WIPF1: variants seen among roughly 807,000 people sequenced by gnomAD.
WIPF1 encodes WAS/WASL interacting protein family member 1.
Under a neutral mutation model 35.4 loss-of-function variants are expected in WIPF1, and 13 were observed. That is an observed-to-expected ratio of 0.37 (90% CI 0.24 to 0.58). The LOEUF is 0.58. Ranked by LOEUF, WIPF1 falls within the 20% of genes least tolerant of loss-of-function variation. The pLI, the probability that WIPF1 is intolerant of heterozygous loss-of-function variation, is 0.74. For synonymous variants in WIPF1, 267 were observed against 266.3 expected (o/e 1.00, Z -0.02); for missense variants, 591 against 667.0 (o/e 0.89, Z 1.25).
chr2:174,622,288 ATTTG>A lies in WIPF1; in HGVS notation c.-38-36681_-38-36678del, dbSNP rs1433336090. 6.6e-6 allele frequency among the ~76,000 whole-genome samples: 1 copy of A among 152,178 alleles called. No individual in the cohort carries two copies. Among genetic ancestry groups the A allele is most frequent in the African/African-American group, 2.4e-5 (1 of 41,440 alleles). On this transcript the variant is annotated intron_variant, in intron 1 of 8. Coordinates refer to the WIPF1 transcript ENST00000272746. This position sits in a 1 kb window ranked among gnomAD's most constrained non-coding sequence, Gnocchi z 5.1. ...GCCTGCATACCACCAAAACTATATG[ATTTG>A]TTTAATATTTTTATTTAACTCAACT...
chr2:174,626,238 C>T (rs1298589173), intron 1 of WIPF1, among the ~76,000 whole-genome samples: 1 of 152,084 alleles, frequency 6.6e-6, no homozygotes, highest in Non-Finnish European at 1.5e-5. Context: ...AAGCAAAGTT[C>T]GAAACAAGAA....
chr2:174,574,073 G>A (rs1684969166), intron 4 of WIPF1, among the ~76,000 whole-genome samples: 1 of 151,036 alleles, frequency 6.6e-6, no homozygotes, highest in African/African-American at 2.4e-5. Context: ...TTTTTTTTTA[G>A]TAGAGACAGG....
chr2:174,618,872 G>A (rs1686592807), intron 1 of WIPF1, among the ~76,000 whole-genome samples: 1 of 151,980 alleles, frequency 6.6e-6, no homozygotes, highest in African/African-American at 2.4e-5. Flanking sequence ...CCCTACAGAG[G>A]GTCTTTTACT....
chr2:174,573,263 G>C (rs1437991031), intron 4 of WIPF1, among the ~76,000 whole-genome samples: 1 of 88,360 alleles, frequency 1.1e-5, no homozygotes, highest in African/African-American at 4.2e-5. Context: ...GGAACTCAAG[G>C]TAATTCTGAA....
intron 1 of WIPF1, among the ~76,000 whole-genome samples, chr2:174,638,093 T>C (rs567789414): frequency 1.2e-4 from 18 of 152,314 alleles, no homozygotes; most frequent in African/African-American, 4.1e-4. Context: ...GAACAAATAT[T>C]TTGACTAAAG....
At chr2:174,642,075 C>T (rs1268277796) in intron 1 of WIPF1, among the ~76,000 whole-genome samples, 3 of 152,088 alleles carry the variant, frequency 2.0e-5, no homozygotes, top group Non-Finnish European at 2.9e-5. Flanking sequence ...AGATAGAATA[C>T]CAACTCTATA....
chr2:174,627,548 C>CA (rs1559165570), intron 1 of WIPF1, among the ~76,000 whole-genome samples: 1 of 122,942 alleles, frequency 8.1e-6, no homozygotes, highest in African/African-American at 3.0e-5. Flanking sequence ...CTTTCTCTTT[C>CA]TTTTTTTTTT....
chr2:174,621,081 C>T (rs985760044), intron 1 of WIPF1, among the ~76,000 whole-genome samples: 4 of 152,100 alleles, frequency 2.6e-5, no homozygotes, highest in Non-Finnish European at 5.9e-5. Flanking sequence ...GTCAAAGTGG[C>T]GCATTACCAA....
chr2:174,640,475 T>A (rs1428563973), intron 1 of WIPF1, among the ~76,000 whole-genome samples: 1 of 150,800 alleles, frequency 6.6e-6, no homozygotes, highest in African/African-American at 2.4e-5. Context: ...ATTGTGCACA[T>A]GTACCCTAAA....
chr2:174,607,218 A>G (rs911367055), intron 1 of WIPF1, among the ~76,000 whole-genome samples: 7 of 152,026 alleles, frequency 4.6e-5, no homozygotes, highest in African/African-American at 1.7e-4. Flanking sequence ...CCTGGCTAAC[A>G]CGGTGAAACC....
chr2:174,600,159 G>A (rs1685955993), upstream of WIPF1, among the ~76,000 whole-genome samples: 1 of 152,102 alleles, frequency 6.6e-6, no homozygotes, highest in Admixed American at 6.5e-5. Context: ...GGTTCCTAAG[G>A]GGCCATAGAC....
At chr2:174,638,573 T>A (rs899160158) in intron 1 of WIPF1, among the ~76,000 whole-genome samples, 4 of 152,016 alleles carry the variant, frequency 2.6e-5, no homozygotes, top group Admixed American at 2.6e-4. Flanking sequence ...CTAGTAACCA[T>A]CTGTTCTATT....
Position 174,585,736 on chromosome 2 carries a change from C to A in WIPF1, c.-38-125G>T, listed in dbSNP as rs1273411053. On this transcript the variant is annotated intron_variant, in intron 1 of 7. Transcript: ENST00000679041. ...CAACTCTTAGAAGAGATGGGCTTAC[C>A]TTTACACCTCACTGCTAAAACATTA... 3 of 687,664 alleles carry A rather than the reference C, an allele frequency of 4.4e-6. No homozygotes were observed. The African/African-American group carries it at 5.5e-5, about 13-fold the overall frequency. 42.6% of individuals were successfully genotyped at this position (687,664 alleles called of 1,614,324 possible). A position where few individuals can be genotyped will look rare whatever the true frequency, so the allele number is the denominator to read the frequency against.
At position 174,567,114 on chromosome 2, in the gene WIPF1, G is replaced by A. The variant is rs752911584; in HGVS notation, c.1412C>T (p.Thr471Met). 3.7e-6 allele frequency: 6 copies of A among 1,614,212 alleles called. No individual in the cohort carries two copies. Among genetic ancestry groups the A allele is most frequent in the African/African-American group, 1.3e-5 (1 of 75,058 alleles). The change falls in exon 7 of 8, where the codon ACG (threonine) becomes ATG (methionine). Residue 471 changes from threonine (T) to methionine (M), a missense_variant. Coordinates refer to ENST00000679041, the MANE Select transcript of WIPF1 (RefSeq NM_001375834.1). ...DLPPPEPYVQ[T>M]TKSYPSKLAR... ...CAGTTTGCTGGGATAACTTTTGGTC[G>A]TTTGTACATATGGCTCTGGAGGTGG... is the stretch of plus-strand genomic sequence containing the variant.
intron 1 of WIPF1, chr2:174,676,315 C>CTTTTTT (rs75689219): frequency 2.0e-4 from 11 of 55,060 alleles, no homozygotes; most frequent in African/African-American, 2.3e-4. Flanking sequence ...TCCCTCCCTT[C>CTTTTTT]TTTTTTTTTT....
chr2:174,666,742 A>AT (rs1687900376), intron 1 of WIPF1, among the ~76,000 whole-genome samples: 1 of 152,244 alleles, frequency 6.6e-6, no homozygotes, highest in Non-Finnish European at 1.5e-5. Flanking sequence ...CTGGCTTTGC[A>AT]GGAAGCTGGC....
chr2:174,610,287 G>T (rs184133410), intron 1 of WIPF1, among the ~76,000 whole-genome samples: 1 of 152,160 alleles, frequency 6.6e-6, no homozygotes, highest in Non-Finnish European at 1.5e-5. Context: ...CATTTTGTGT[G>T]GGTTTTATTT....
At chr2:174,610,809 C>T (rs1484372954) in intron 1 of WIPF1, among the ~76,000 whole-genome samples, 1 of 152,144 alleles carries the variant, frequency 6.6e-6, no homozygotes, top group African/African-American at 2.4e-5. Flanking sequence ...CACGGCTCCT[C>T]TCTGTCACCA....
intron 3 of WIPF1, among the ~76,000 whole-genome samples, chr2:174,576,790 G>T (rs1685078706): frequency 6.6e-6 from 1 of 152,190 alleles, no homozygotes; most frequent in Non-Finnish European, 1.5e-5. Flanking sequence ...GTGCAAATTA[G>T]TTGTGTTTAA....
Sources: allele counts gnomAD v4.1 joint callset (sites outside exome capture counted in the v4.1 genomes callset), GRCh38; gene constraint gnomAD v4.1.1; non-coding constraint Gnocchi (gnomAD v3.1); transcripts MANE v1.5; gene names NCBI Gene and HGNC (gene_info 2026-07-23, HGNC 2026-07-21).